HACD3: variants seen among roughly 807,000 people sequenced by gnomAD.
HACD3 encodes the protein very-long-chain (3R)-3-hydroxyacyl-CoA dehydratase 3.
HACD3 carries 30 observed loss-of-function variants against 55.2 expected under a neutral mutation model. The observed-to-expected ratio is 0.54, with a 90% CI of 0.41 to 0.74. HACD3 has a LOEUF of 0.74. Among genes scored for constraint, HACD3 ranks in the 30% least tolerant of loss-of-function variants. HACD3 has a pLI of 0.00. For missense variants in HACD3, 363 were observed against 440.1 expected, an observed-to-expected ratio of 0.82 and a Z score of 1.57; for synonymous variants, 141 against 151.7, an observed-to-expected ratio of 0.93 and a Z score of 0.52.
At chr15:65,547,974 C>T (rs759638341) in intron 1 of HACD3, among the ~76,000 whole-genome samples, 3 of 152,076 alleles carry the variant, frequency 2.0e-5, no homozygotes, top group Non-Finnish European at 4.4e-5. Context: ...AAGGTGAATA[C>T]AAAGTAGGAA....
chr15:65,556,829 C>T lies in HACD3; in HGVS notation c.295C>T (p.Arg99Ter), dbSNP rs1393730789. The T allele has an allele frequency of 1.9e-6, 3 of 1,612,748 alleles. No individual in the cohort carries two copies. The highest frequency in any genetic ancestry group is 2.5e-6 in the Non-Finnish European group (3 of 1,179,336). ...WWERLTKQEKRPLFLAPDFDR... is the reference protein window; with the variant it reads ...WWERLTKQEK The stretch of plus-strand genomic sequence containing the variant: ...GGAGAGACTCACAAAGCAGGAAAAG[C>T]GACCACTGTTTTTGGCTCCTGACTT... The change falls in exon 4 of 11, where the codon CGA becomes TGA. Residue 99 changes from arginine (R) to a stop codon, truncating the protein, a stop_gained. Transcript: ENST00000261875. LOFTEE classifies it high-confidence loss of function.
At chr15:65,557,798 G>C (rs2072208081) in intron 4 of HACD3, among the ~76,000 whole-genome samples, 1 of 152,010 alleles carries the variant, frequency 6.6e-6, no homozygotes, top group Non-Finnish European at 1.5e-5. Context: ...TTTATACTTT[G>C]AGTTATAATC....
chr15:65,538,860 C>T (rs986375367), intron 1 of HACD3, among the ~76,000 whole-genome samples: 3 of 152,146 alleles, frequency 2.0e-5, no homozygotes, highest in African/African-American at 7.2e-5. Flanking sequence ...GGACCCGCCA[C>T]CAGCAAAAAG....
intron 7 of HACD3, among the ~76,000 whole-genome samples, chr15:65,569,707 C>G (rs1024010999): frequency 3.3e-5 from 5 of 150,936 alleles, no homozygotes; most frequent in African/African-American, 1.2e-4. Context: ...GACCCCGTCT[C>G]GATAAAAAAG....
At chr15:65,573,887 A>G (rs1405049118) in intron 10 of HACD3, among the ~76,000 whole-genome samples, 2 of 152,352 alleles carry the variant, frequency 1.3e-5, no homozygotes, top group Non-Finnish European at 2.9e-5. Context: ...ATTATCATAC[A>G]TAGAACTTTA....
At chr15:65,570,458 C>T (rs2072337168) in intron 8 of HACD3, among the ~76,000 whole-genome samples, 1 of 152,166 alleles carries the variant, frequency 6.6e-6, no homozygotes, top group Non-Finnish European at 1.5e-5. Flanking sequence ...CTCATCTTAC[C>T]ATGACTTCAG....
chr15:65,568,897 T>C (rs1054652662), intron 7 of HACD3, among the ~76,000 whole-genome samples: 7 of 152,068 alleles, frequency 4.6e-5, no homozygotes, highest in African/African-American at 1.7e-4. Context: ...ATGTCTATCA[T>C]ATATTGGAAT....
At chr15:65,551,508 A>G (rs2072132281) in intron 1 of HACD3, among the ~76,000 whole-genome samples, 168 bp from the exon 2 acceptor site, 1 of 152,220 alleles carries the variant, frequency 6.6e-6, no homozygotes, top group Non-Finnish European at 1.5e-5. Flanking sequence ...ACAGACATAG[A>G]GAAAGCCTAC....
At chr15:65,576,259 TAGAC>T in intron 10 of HACD3, 40 bp from the exon 11 acceptor site, 4 of 1,549,486 alleles carry the variant, frequency 2.6e-6, no homozygotes, top group Non-Finnish European at 3.5e-6. Context: ...TGGTTATAAA[TAGAC>T]AAAGACTCTA....
At chr15:65,563,077 T>C (rs745903087) in intron 6 of HACD3, among the ~76,000 whole-genome samples, 193 bp downstream of exon 6, 4 of 152,152 alleles carry the variant, frequency 2.6e-5, no homozygotes, top group Non-Finnish European at 5.9e-5. Context: ...ATTCTTTCCA[T>C]ATAACAGGTA....
chr15:65,545,350 T>G (rs1469506639), intron 1 of HACD3, among the ~76,000 whole-genome samples: 2 of 152,054 alleles, frequency 1.3e-5, no homozygotes, highest in Non-Finnish European at 2.9e-5. Context: ...ATGATACATT[T>G]TACAAGACAA....
At chr15:65,549,078 TG>T (rs1308644958) in intron 1 of HACD3, among the ~76,000 whole-genome samples, 4 of 152,210 alleles carry the variant, frequency 2.6e-5, no homozygotes, top group Admixed American at 6.5e-5. Context: ...TTGTAAGAGA[TG>T]GGCTAGGTTG....
chr15:65,533,691 C>T (rs1396599015), intron 1 of HACD3, among the ~76,000 whole-genome samples: 3 of 148,148 alleles, frequency 2.0e-5, no homozygotes, highest in Admixed American at 6.7e-5. Flanking sequence ...CAACTGATTG[C>T]TCTATGCAGG....
chr15:65,564,322 G>A lies in HACD3; in HGVS notation c.640G>A (p.Val214Met). 1 of 1,613,458 alleles carries A rather than the reference G, an allele frequency of 6.2e-7. No homozygotes were observed. The highest frequency in any genetic ancestry group is 8.5e-7 in the Non-Finnish European group (1 of 1,179,694). Residue 214 changes from valine (V) to methionine (M), a missense_variant, in exon 7 of 11, where the codon GTG becomes ATG. Physicochemically the swap from Val to Met is conservative, Grantham distance 21. Coordinates refer to ENST00000261875, the MANE Select transcript of HACD3 (RefSeq NM_016395.4). ...NAAIGVTTSP[V>M]LPSLIQLLGR... is the part of the protein sequence containing the mutation. ...AGCAATTGGAGTCACTACGTCACCG[G>A]TGCTGCCTTCTCTGATCCAGGTATT...
At chr15:65,533,179 G>C (rs1173480175) in intron 1 of HACD3, among the ~76,000 whole-genome samples, 2 of 152,162 alleles carry the variant, frequency 1.3e-5, no homozygotes, top group African/African-American at 4.8e-5. Flanking sequence ...TAAACAAGTT[G>C]GGTTTATTAC....
intron 1 of HACD3, 122 bp downstream of exon 1, chr15:65,530,840 G>C: frequency 1.1e-6 from 1 of 947,046 alleles, no homozygotes; most frequent in Non-Finnish European, 1.5e-6. Context: ...CAAGGTCGGC[G>C]ACGCGGTGCG....
intron 1 of HACD3, among the ~76,000 whole-genome samples, chr15:65,538,195 G>T (rs1450170789): frequency 6.6e-6 from 1 of 151,982 alleles, no homozygotes; most frequent in African/African-American, 2.4e-5. Context: ...GGTTAAAACT[G>T]TCGTAGGTAG....
intron 1 of HACD3, among the ~76,000 whole-genome samples, chr15:65,533,323 A>G (rs902561793): frequency 6.6e-6 from 1 of 152,220 alleles, no homozygotes; most frequent in Non-Finnish European, 1.5e-5. Context: ...TTCACTTCAG[A>G]TAAGATCCTG....
chr15:65,553,520 A>C (rs866214291), intron 2 of HACD3, among the ~76,000 whole-genome samples: 3 of 152,132 alleles, frequency 2.0e-5, no homozygotes, highest in South Asian at 2.1e-4. Flanking sequence ...GAGCATAAAG[A>C]GTTTCTGCTT....
Sources: allele counts gnomAD v4.1 joint callset (sites outside exome capture counted in the v4.1 genomes callset), GRCh38; gene constraint gnomAD v4.1.1; transcripts MANE v1.5; gene names NCBI Gene and HGNC (gene_info 2026-07-23, HGNC 2026-07-21).